The following SEZ6L variants were observed in gnomAD, a reference collection of about 807,000 sequenced individuals.
SEZ6L encodes the protein seizure 6-like protein.
SEZ6L carries 37 observed loss-of-function variants against 106.2 expected under a neutral mutation model. The ratio of observed to expected loss-of-function variants is 0.35; its 90% CI spans 0.27 to 0.46. The LOEUF is 0.46. Ranked by LOEUF, SEZ6L falls within the 20% of genes least tolerant of loss-of-function variation. The pLI is 1.00. For synonymous variants in SEZ6L, 541 were observed against 570.4 expected, an observed-to-expected ratio of 0.95 and a Z score of 0.73; for missense variants, 1,172 against 1,332.8, an observed-to-expected ratio of 0.88 and a Z score of 1.88.
At chr22:26,356,817 C>T (rs933586955) in intron 12 of SEZ6L, among the ~76,000 whole-genome samples, 7 of 152,110 alleles carry the variant, frequency 4.6e-5, no homozygotes, top group Admixed American at 1.3e-4. Flanking sequence ...ACAGTTAGCA[C>T]GAGCACCACA....
At chr22:26,242,237 A>G (rs1386528416) in intron 1 of SEZ6L, among the ~76,000 whole-genome samples, 2 of 152,228 alleles carry the variant, frequency 1.3e-5, no homozygotes, top group Non-Finnish European at 2.9e-5. Flanking sequence ...GTAGGCACTC[A>G]ATAAATGCTT....
chr22:26,352,629 A>G (rs2146026457), intron 12 of SEZ6L, among the ~76,000 whole-genome samples: 1 of 152,342 alleles, frequency 6.6e-6, no homozygotes, highest in Admixed American at 6.5e-5. Flanking sequence ...GATTTAGACG[A>G]GCAAACTGCA....
chr22:26,308,620 G>T (rs1284107554), intron 6 of SEZ6L, among the ~76,000 whole-genome samples: 1 of 152,044 alleles, frequency 6.6e-6, no homozygotes, highest in Non-Finnish European at 1.5e-5. Flanking sequence ...TGCCTTGAAA[G>T]GTCGTAATAT....
chr22:26,314,509 C>T (rs529793410), intron 9 of SEZ6L, among the ~76,000 whole-genome samples: 20 of 152,350 alleles, frequency 1.3e-4, no homozygotes, highest in Non-Finnish European at 2.4e-4. Context: ...AGGTCCTCTC[C>T]TCTGGGGCTG....
chr22:26,379,003 C>G (rs2084324700), intron 16 of SEZ6L, among the ~76,000 whole-genome samples: 1 of 152,134 alleles, frequency 6.6e-6, no homozygotes, highest in African/African-American at 2.4e-5. Context: ...TTAGCCTGAC[C>G]CCCTGCTTTA....
At chr22:26,188,522 G>A (rs1939955436) in intron 1 of SEZ6L, among the ~76,000 whole-genome samples, 1 of 152,136 alleles carries the variant, frequency 6.6e-6, no homozygotes, top group Non-Finnish European at 1.5e-5. Context: ...GAGCAAAAGT[G>A]CAAAGTGAAG....
At chr22:26,306,252 A>C (rs928034184) in intron 6 of SEZ6L, 108 bp downstream of exon 6, 53 of 1,251,780 alleles carry the variant, frequency 4.2e-5, no homozygotes, top group Non-Finnish European at 5.7e-5. Context: ...CTCGGAATTC[A>C]AGAAAAGAAG....
intron 1 of SEZ6L, among the ~76,000 whole-genome samples, chr22:26,274,618 C>A (rs2145845666): frequency 6.6e-6 from 1 of 152,280 alleles, no homozygotes; most frequent in South Asian, 2.1e-4. Flanking sequence ...CTTAGAAAAG[C>A]CATCATACCC....
chr22:26,210,528 G>A (rs923851691), intron 1 of SEZ6L, among the ~76,000 whole-genome samples: 2 of 152,248 alleles, frequency 1.3e-5, no homozygotes, highest in East Asian at 1.9e-4. Flanking sequence ...ATGTAATTCC[G>A]ATGTCAGTGA....
chr22:26,243,734 A>G (rs1201521791), intron 1 of SEZ6L, among the ~76,000 whole-genome samples: 2 of 152,218 alleles, frequency 1.3e-5, no homozygotes, highest in African/African-American at 4.8e-5. Flanking sequence ...GAGTAGGGCA[A>G]CTAAAAGAAG....
chr22:26,380,168 AG>A (rs2084368905), intron 16 of SEZ6L, 97 bp from the exon 17 acceptor site: 2 of 1,170,934 alleles, frequency 1.7e-6, no homozygotes, highest in African/African-American at 1.5e-5. Flanking sequence ...GTCACGACCA[AG>A]GGCATGGACA....
At chr22:26,310,624 C>T in intron 6 of SEZ6L, 46 bp from the exon 7 acceptor site, 2 of 1,604,824 alleles carry the variant, frequency 1.2e-6, no homozygotes. Flanking sequence ...ATGTCAGTGA[C>T]CCAGGAAGAT....
chr22:26,204,568 G>A (rs1462230876), intron 1 of SEZ6L, among the ~76,000 whole-genome samples: 1 of 152,240 alleles, frequency 6.6e-6, no homozygotes, highest in Non-Finnish European at 1.5e-5. Context: ...CAGGCATTCT[G>A]ATGCCAGAGC....
chr22:26,216,588 G>A (rs746205845), intron 1 of SEZ6L, among the ~76,000 whole-genome samples: 5 of 152,068 alleles, frequency 3.3e-5, no homozygotes, highest in East Asian at 1.9e-4. Context: ...CCCGGGAGGC[G>A]GAGGTTGCAG....
rs117934304 is a variant in SEZ6L at position 26,295,531 on chromosome 22, C to G, written c.969+1106C>G. On this transcript the variant is annotated intron_variant, in intron 3 of 16. Transcript: ENST00000248933. The stretch of plus-strand genomic sequence containing the variant: ...TCTTTGCAGTCCCCAGAGCTTTGCA[C>G]AAGTGTGTGGCACATTGTAGGTCCT... 2.6e-3 allele frequency among the ~76,000 whole-genome samples: 389 copies of G among 152,252 alleles called. 9 individuals are homozygous for G. In the East Asian group the frequency reaches 0.06, roughly 23 times the overall value.
chr22:26,290,308 G>A (rs1341655660), intron 1 of SEZ6L, among the ~76,000 whole-genome samples: 1 of 152,180 alleles, frequency 6.6e-6, no homozygotes, highest in East Asian at 1.9e-4. Context: ...GAGGCGGGTG[G>A]ATCACGAGGT....
chr22:26,245,444 G>T (rs2079303168), intron 1 of SEZ6L, among the ~76,000 whole-genome samples: 1 of 152,052 alleles, frequency 6.6e-6, no homozygotes, highest in Non-Finnish European at 1.5e-5. Context: ...CCTCCTCTAG[G>T]GAGGGACTCT....
At chr22:26,235,788 T>C (rs2078939702) in intron 1 of SEZ6L, among the ~76,000 whole-genome samples, 1 of 152,158 alleles carries the variant, frequency 6.6e-6, no homozygotes, top group South Asian at 2.1e-4. Flanking sequence ...AGGGGTAGAA[T>C]AGAGGACTCT....
chr22:26,268,646 G>A (rs981335470), intron 1 of SEZ6L, among the ~76,000 whole-genome samples: 25 of 152,288 alleles, frequency 1.6e-4, no homozygotes. Flanking sequence ...CCGCACAACT[G>A]ACATTCGGGA....
Sources: gnomAD v4.1 joint callset for allele counts (sites outside exome capture counted in the v4.1 genomes callset) on GRCh38, gnomAD v4.1.1 for gene constraint, MANE v1.5 for transcripts, NCBI Gene and HGNC (gene_info 2026-07-23, HGNC 2026-07-21) for gene names.